The following GMDS variants were observed in gnomAD, a reference collection of about 807,000 sequenced individuals.
GMDS encodes GDP-mannose 4,6-dehydratase, also known as GDP-mannose 4,6 dehydratase.
Under a neutral mutation model 49.9 loss-of-function variants are expected in GMDS, and 20 were observed. The ratio of observed to expected loss-of-function variants is 0.40; its 90% confidence interval spans 0.28 to 0.58. The LOEUF (loss-of-function observed/expected upper bound fraction) is 0.58, where lower values mean the gene tolerates loss of function less well. Among genes scored for constraint, GMDS ranks in the 20% least tolerant of loss-of-function variants. GMDS has a pLI of 0.42. For synonymous variants in GMDS, 177 were observed against 178.6 expected (o/e 0.99, Z 0.07); for missense variants, 362 against 481.4 (o/e 0.75, Z 2.32).
At chr6:1,993,057 G>T (rs961236418) in intron 4 of GMDS, among the ~76,000 whole-genome samples, 1 of 152,172 alleles carries the variant, frequency 6.6e-6, no homozygotes, top group African/African-American at 2.4e-5. Context: ...TCGTCCAGCT[G>T]CTTTTCCTAC....
At chr6:2,180,896 G>A (rs549342981) in intron 1 of GMDS, among the ~76,000 whole-genome samples, 14 of 152,092 alleles carry the variant, frequency 9.2e-5, no homozygotes, top group Non-Finnish European at 1.8e-4. Context: ...GGCCAGGTGC[G>A]GTGGATCAAG....
intron 1 of GMDS, 81 bp downstream of exon 1, chr6:2,245,240 G>T: frequency 1.0e-6 from 1 of 977,248 alleles, no homozygotes; most frequent in Non-Finnish European, 1.6e-6. Context: ...TGGAGAGACC[G>T]CAGCCCACGA....
chr6:2,213,029 G>A (rs917511149), intron 1 of GMDS, among the ~76,000 whole-genome samples: 13 of 152,142 alleles, frequency 8.5e-5, no homozygotes, highest in African/African-American at 3.1e-4. Flanking sequence ...TAGGGACAGG[G>A]AAATCAAAAT....
At chr6:2,048,326 A>T (rs574406997) in intron 4 of GMDS, among the ~76,000 whole-genome samples, 1 of 152,356 alleles carries the variant, frequency 6.6e-6, no homozygotes, top group East Asian at 1.9e-4. Flanking sequence ...GGCCAGCATC[A>T]ATTATTAAAA....
At chr6:1,970,720 C>G (rs1384624542) in intron 4 of GMDS, among the ~76,000 whole-genome samples, 1 of 151,956 alleles carries the variant, frequency 6.6e-6, no homozygotes, top group African/African-American at 2.4e-5. Context: ...GGATAGAGAT[C>G]CAAAGGAGGG....
At chr6:1,812,260 C>T (rs930185720) in intron 7 of GMDS, among the ~76,000 whole-genome samples, 13 of 152,074 alleles carry the variant, frequency 8.5e-5, no homozygotes, top group African/African-American at 2.7e-4. Flanking sequence ...GCAAAGTACA[C>T]AGGACTCCGA....
At chr6:2,126,442 C>CA (rs1202427390) in intron 1 of GMDS, among the ~76,000 whole-genome samples, 1 of 151,754 alleles carries the variant, frequency 6.6e-6, no homozygotes. Context: ...GAAAAAAAAA[C>CA]AAAAAACCTT....
At chr6:1,847,880 G>A (rs1561843200) in intron 7 of GMDS, among the ~76,000 whole-genome samples, 1 of 152,126 alleles carries the variant, frequency 6.6e-6, no homozygotes, top group Non-Finnish European at 1.5e-5. Flanking sequence ...TGGTGAGGGT[G>A]TACTGTCTAA....
chr6:2,137,288 T>C (rs1195653460), intron 1 of GMDS, among the ~76,000 whole-genome samples: 1 of 152,020 alleles, frequency 6.6e-6, no homozygotes, highest in African/African-American at 2.4e-5. Flanking sequence ...CATTCAAAAG[T>C]AGTGTGATCT....
At chr6:2,205,315 T>C (rs1779758161) in intron 1 of GMDS, among the ~76,000 whole-genome samples, 1 of 152,182 alleles carries the variant, frequency 6.6e-6, no homozygotes, top group African/African-American at 2.4e-5. Context: ...TAGTTGCATA[T>C]AAAACTCCCC....
At chr6:1,885,097 T>C (rs1759539933) in intron 7 of GMDS, among the ~76,000 whole-genome samples, 1 of 152,198 alleles carries the variant, frequency 6.6e-6, no homozygotes, top group Non-Finnish European at 1.5e-5. Flanking sequence ...AAGTAATTTA[T>C]GAATTTAAGG....
chr6:1,761,483 CCTGT>C (rs1203671592), intron 7 of GMDS, among the ~76,000 whole-genome samples: 4 of 152,148 alleles, frequency 2.6e-5, no homozygotes, highest in African/African-American at 9.7e-5. Context: ...AACAAGAAAG[CCTGT>C]CTAATACTAT....
chr6:1,845,324 C>T (rs746078365), intron 7 of GMDS, among the ~76,000 whole-genome samples: 3 of 152,142 alleles, frequency 2.0e-5, no homozygotes, highest in Admixed American at 1.3e-4. Context: ...CAACATTGTA[C>T]TTATGCTTTT....
intron 4 of GMDS, among the ~76,000 whole-genome samples, chr6:2,078,367 G>A (rs1015223713): frequency 5.3e-5 from 8 of 151,890 alleles, no homozygotes; most frequent in Non-Finnish European, 1.2e-4. Flanking sequence ...TCATTAGATT[G>A]TTTATTTAAA....
chr6:1,968,984 T>G (rs951189010), intron 4 of GMDS, among the ~76,000 whole-genome samples: 24 of 151,728 alleles, frequency 1.6e-4, no homozygotes, highest in Admixed American at 7.9e-4. Context: ...GAAATTGGCC[T>G]GGTGCGGTGG....
At chr6:1,647,382 A>G (rs1763516342) in intron 9 of GMDS, among the ~76,000 whole-genome samples, 1 of 152,120 alleles carries the variant, frequency 6.6e-6, no homozygotes, top group Non-Finnish European at 1.5e-5. Context: ...ACAGGAATTT[A>G]AGCAGCTTCT....
chr6:1,781,806 C>T (rs3823271), intron 7 of GMDS, among the ~76,000 whole-genome samples: 44,232 of 151,602 alleles, frequency 0.29, 6,671 homozygotes, highest in African/African-American at 0.36. Flanking sequence ...TACAATTTTA[C>T]AGTATTGTAG....
At chr6:1,870,433 A>G (rs965038528) in intron 7 of GMDS, among the ~76,000 whole-genome samples, 3 of 152,090 alleles carry the variant, frequency 2.0e-5, no homozygotes, top group Admixed American at 6.5e-5. Context: ...CACAATGTCA[A>G]TCTTCCTCCC....
At chr6:2,184,604 C>G (rs1318001293) in intron 1 of GMDS, among the ~76,000 whole-genome samples, 1 of 152,222 alleles carries the variant, frequency 6.6e-6, no homozygotes, top group Non-Finnish European at 1.5e-5. Context: ...TTCCCTGTCA[C>G]TCTCTAGCAC....
Sources: allele counts gnomAD v4.1 joint callset (sites outside exome capture counted in the v4.1 genomes callset), GRCh38; gene constraint gnomAD v4.1.1; transcripts MANE v1.5; gene names NCBI Gene and HGNC (gene_info 2026-07-23, HGNC 2026-07-21).